The following XXYLT1 variants were observed in gnomAD, a reference collection of about 807,000 sequenced individuals.
XXYLT1 encodes the protein UDP-xylose:alpha-xyloside alpha-1,3-xylosyltransferase.
XXYLT1 carries 20 observed loss-of-function variants against 28.9 expected under a neutral mutation model. The observed-to-expected ratio is 0.69, with a 90% CI of 0.49 to 1.00. The LOEUF (loss-of-function observed/expected upper bound fraction) is 1.00. Ranked by LOEUF, XXYLT1 falls within the 50% of genes least tolerant of loss-of-function variation. The pLI is 0.00. For synonymous variants in XXYLT1, 257 were observed against 253.8 expected (o/e 1.01, Z -0.12); for missense variants, 542 against 560.1 (o/e 0.97, Z 0.33).
chr3:195,157,665 A>AAG (rs1297723613), intron 2 of XXYLT1, among the ~76,000 whole-genome samples: 1 of 152,196 alleles, frequency 6.6e-6, no homozygotes, highest in Admixed American at 6.5e-5. Flanking sequence ...CCCTGCCCTC[A>AAG]AGAGAGACAT....
At chr3:195,264,390 C>T (rs867598319) in intron 1 of XXYLT1, among the ~76,000 whole-genome samples, 4 of 152,238 alleles carry the variant, frequency 2.6e-5, no homozygotes, top group East Asian at 1.9e-4. Flanking sequence ...GCAGGTGCCT[C>T]GGACGGAGTC....
At chr3:195,220,045 C>T (rs530876181) in intron 2 of XXYLT1, among the ~76,000 whole-genome samples, 1 of 152,258 alleles carries the variant, frequency 6.6e-6, no homozygotes, top group South Asian at 2.1e-4. Flanking sequence ...TAATCACATG[C>T]TAAATGTTAT....
intron 1 of XXYLT1, among the ~76,000 whole-genome samples, chr3:195,253,672 TA>T (rs1340942575): frequency 6.6e-6 from 1 of 152,068 alleles, no homozygotes; most frequent in Non-Finnish European, 1.5e-5. Context: ...CCAATTTTTG[TA>T]TTTTTAGTAG....
At chr3:195,229,904 A>C (rs1014350982) in intron 1 of XXYLT1, among the ~76,000 whole-genome samples, 1 of 152,194 alleles carries the variant, frequency 6.6e-6, no homozygotes, top group Non-Finnish European at 1.5e-5. Context: ...GTATATATCT[A>C]GCAGTGGGAT....
At chr3:195,112,766 C>G (rs1302987722) in intron 3 of XXYLT1, among the ~76,000 whole-genome samples, 2 of 150,306 alleles carry the variant, frequency 1.3e-5, no homozygotes, top group African/African-American at 4.9e-5. Flanking sequence ...CGCGCATGCA[C>G]ACACACACAC....
intron 1 of XXYLT1, chr3:195,259,607 G>T (rs1222117466): frequency 1.0e-6 from 1 of 985,352 alleles, no homozygotes; most frequent in Non-Finnish European, 1.2e-6. Context: ...ATCTCACCGC[G>T]AGGACAGTCG....
chr3:195,254,877 G>A (rs1725418067), intron 1 of XXYLT1, among the ~76,000 whole-genome samples: 1 of 152,246 alleles, frequency 6.6e-6, no homozygotes, highest in South Asian at 2.1e-4. Context: ...CTACAGAGAG[G>A]AGGTGGTTCA....
chr3:195,170,589 T>C (rs1439799322), intron 2 of XXYLT1, among the ~76,000 whole-genome samples: 5 of 152,242 alleles, frequency 3.3e-5, no homozygotes, highest in African/African-American at 1.2e-4. Context: ...CTGTCATTCA[T>C]CTAGCTGTAT....
rs1714631325 is a variant in XXYLT1, at chr3:195,068,590, T to TG, written c.*1124_*1125insC. On this transcript the variant is annotated 3_prime_UTR_variant, in exon 4 of 4. Transcript: ENST00000310380. ...ATTGCTGGGTTCCTTTTTGGTTTTT[T>TG]TTTTTTTTTTGAGATGGACGTCTCA... 6.6e-6 allele frequency: 1 copy of TG among 151,280 alleles called. No homozygotes were observed. Among genetic ancestry groups the TG allele is most frequent in the Non-Finnish European group, 1.5e-5 (1 of 67,764 alleles). The allele number at this position is 151,280 out of a possible 1,614,324, so 9.4% of individuals were successfully genotyped here.
At chr3:195,260,008 G>C (rs1725625239) in intron 1 of XXYLT1, 1 of 152,448 alleles carries the variant, frequency 6.6e-6, no homozygotes, top group South Asian at 2.1e-4. Flanking sequence ...ATCAAAGCCG[G>C]TTTACCGGCG....
rs1413931024 is a variant in XXYLT1 at position 195,069,882 on chromosome 3, T to C, written c.1015A>G (p.Met339Val). 3 of 1,614,116 alleles carry C rather than the reference T, an allele frequency of 1.9e-6. No individual in the cohort carries two copies. Among genetic ancestry groups the C allele is most frequent in the African/African-American group, 2.7e-5 (2 of 75,068 alleles). Residue 339 changes from methionine to valine, a missense_variant, in exon 4 of 4, where the codon ATG becomes GTG. Physicochemically the swap from Met to Val is conservative, Grantham distance 21 (BLOSUM62 1). Coordinates refer to ENST00000310380, the MANE Select transcript of XXYLT1 (RefSeq NM_152531.5). Reference protein sequence around the residue: ...GDQDFFTMIGMEHPKLFHVLD... With the variant: ...GDQDFFTMIGVEHPKLFHVLD... ...ACATGGAAGAGCTTGGGGTGCTCCA[T>C]GCCGATCATGGTGAAGAAGTCCTGG...
At chr3:195,177,479 AG>A (rs1721726485) in intron 2 of XXYLT1, among the ~76,000 whole-genome samples, 1 of 152,216 alleles carries the variant, frequency 6.6e-6, no homozygotes, top group Admixed American at 6.5e-5. Flanking sequence ...GCAAACAGAA[AG>A]GGCAGAAGAA....
At chr3:195,167,207 A>C (rs1220251785) in intron 2 of XXYLT1, among the ~76,000 whole-genome samples, 4 of 152,242 alleles carry the variant, frequency 2.6e-5, no homozygotes, top group African/African-American at 9.6e-5. Context: ...TTGTGGGGCA[A>C]TACTTTAAGA....
rs1328231061 is a variant in XXYLT1 at position 195,070,130 on chromosome 3, G to C, written c.786-19C>G. On this transcript the variant is annotated intron_variant, in intron 3 of 3. Coordinates refer to ENST00000310380, the MANE Select transcript of XXYLT1 (RefSeq NM_152531.5). ...TGTGTGCCTGTGGAGAGAGAGGACA[G>C]AGTTAGTCCGGTGTGCAGGGGAACC... 1 of 1,526,436 alleles carries C rather than the reference G, an allele frequency of 6.6e-7. No homozygotes were observed. Among genetic ancestry groups the C allele is most frequent in the Non-Finnish European group, 8.7e-7 (1 of 1,143,088 alleles). The allele number at this position is 1,526,436 out of a possible 1,614,324, so 94.6% of individuals were successfully genotyped here.
chr3:195,084,913 G>C (rs1715635764), intron 3 of XXYLT1, among the ~76,000 whole-genome samples: 1 of 152,168 alleles, frequency 6.6e-6, no homozygotes, highest in African/African-American at 2.4e-5. Context: ...CTTCTCTAAT[G>C]GTGCCCAAGA....
At chr3:195,154,938 G>A (rs1354552188) in intron 3 of XXYLT1, among the ~76,000 whole-genome samples, 1 of 152,120 alleles carries the variant, frequency 6.6e-6, no homozygotes, top group Non-Finnish European at 1.5e-5. Context: ...TTGGACCAAG[G>A]ACCCCAGCAG....
intron 3 of XXYLT1, among the ~76,000 whole-genome samples, chr3:195,145,263 G>GCCTTT (rs10694727): frequency 0.19 from 29,007 of 151,288 alleles, 3,352 homozygotes; most frequent in East Asian, 0.42. Flanking sequence ...GGAAGATCAA[G>GCCTTT]TGGAAGCCAC....
intron 2 of XXYLT1, among the ~76,000 whole-genome samples, chr3:195,216,047 C>G (rs1412376538): frequency 6.6e-6 from 1 of 151,624 alleles, no homozygotes; most frequent in African/African-American, 2.4e-5. Flanking sequence ...TACATGGAAA[C>G]TGAACAACCT....
intron 3 of XXYLT1, among the ~76,000 whole-genome samples, chr3:195,103,016 G>A (rs1716875939): frequency 6.6e-6 from 1 of 152,158 alleles, no homozygotes. Flanking sequence ...TATTCTATCA[G>A]GTGTGAAGTG....
Sources: allele counts gnomAD v4.1 joint callset (sites outside exome capture counted in the v4.1 genomes callset), GRCh38; gene constraint gnomAD v4.1.1; transcripts MANE v1.5; gene names NCBI Gene and HGNC (gene_info 2026-07-23, HGNC 2026-07-21).